Variants in PLEKHG1 observed in about 807,000 individuals in gnomAD.
PLEKHG1 encodes pleckstrin homology domain-containing family G member 1.
PLEKHG1 carries 44 observed loss-of-function variants against 100.8 expected under a neutral mutation model. That is an observed-to-expected ratio of 0.44 (90% CI 0.34 to 0.56). The LOEUF (loss-of-function observed/expected upper bound fraction) is 0.56. Among genes scored for constraint, PLEKHG1 ranks in the 20% least tolerant of loss-of-function variants. PLEKHG1 has a pLI of 0.01. For synonymous variants in PLEKHG1, 640 were observed against 662.5 expected (o/e 0.97, Z 0.52); for missense variants, 1,545 against 1,720.9 (o/e 0.90, Z 1.81).
chr6:150,662,119 A>G (rs1480772814), intron 3 of PLEKHG1, among the ~76,000 whole-genome samples: 2 of 152,110 alleles, frequency 1.3e-5, no homozygotes, highest in African/African-American at 4.8e-5. Flanking sequence ...CCAAATGTGG[A>G]TAGTGTTAGG....
chr6:150,832,241 AAG>A (rs1776987172), intron 15 of PLEKHG1, 36 bp downstream of exon 16: 2 of 1,505,076 alleles, frequency 1.3e-6, no homozygotes, highest in Non-Finnish European at 1.8e-6. Flanking sequence ...TCTCCAAAGT[AAG>A]AGGGGAGAGC....
At chr6:150,737,938 G>C (rs1347848792) in intron 2 of PLEKHG1, among the ~76,000 whole-genome samples, 1 of 151,450 alleles carries the variant, frequency 6.6e-6, no homozygotes, top group Non-Finnish European at 1.5e-5. Flanking sequence ...CATGTATCTA[G>C]GACTACAGGT....
chr6:150,813,741 G>A (rs1298418739), intron 10 of PLEKHG1, among the ~76,000 whole-genome samples: 1 of 152,240 alleles, frequency 6.6e-6, no homozygotes, highest in Middle Eastern at 3.4e-3. Flanking sequence ...GAGGTGGGAC[G>A]GTTTTGAGTG....
At chr6:150,787,160 T>C (rs1785673813) in intron 4 of PLEKHG1, among the ~76,000 whole-genome samples, 1 of 152,170 alleles carries the variant, frequency 6.6e-6, no homozygotes, top group Non-Finnish European at 1.5e-5. Flanking sequence ...GTATAATATA[T>C]GTGGCACTAG....
chr6:150,679,480 A>G (rs1779864783), intron 3 of PLEKHG1, among the ~76,000 whole-genome samples: 1 of 152,204 alleles, frequency 6.6e-6, no homozygotes, highest in Non-Finnish European at 1.5e-5. Flanking sequence ...AAAGCAAATC[A>G]TGTTTTCCCA....
intron 3 of PLEKHG1, among the ~76,000 whole-genome samples, chr6:150,773,528 C>T (rs763968251): frequency 1.3e-5 from 2 of 152,060 alleles, no homozygotes; most frequent in Admixed American, 6.6e-5. Context: ...AGCGAGACTC[C>T]GTCTCAAAAA....
intron 10 of PLEKHG1, among the ~76,000 whole-genome samples, chr6:150,817,038 G>A (rs1040233693): frequency 5.3e-5 from 8 of 152,316 alleles, no homozygotes; most frequent in Admixed American, 6.5e-5. Context: ...AGCTTCTCTC[G>A]CTTGCCCACC....
At chr6:150,610,976 A>G (rs576473286) in intron 1 of PLEKHG1, among the ~76,000 whole-genome samples, 1 of 152,346 alleles carries the variant, frequency 6.6e-6, no homozygotes, top group East Asian at 1.9e-4. Flanking sequence ...CAAATAGGAT[A>G]TCAGCCCTAT....
At chr6:150,793,081 G>A (rs1050366729) in intron 4 of PLEKHG1, among the ~76,000 whole-genome samples, 2 of 152,150 alleles carry the variant, frequency 1.3e-5, no homozygotes, top group African/African-American at 4.8e-5. Context: ...CATGACGCTG[G>A]AGAACCAATA....
At chr6:150,801,414 T>C (rs1786689922) in intron 6 of PLEKHG1, among the ~76,000 whole-genome samples, 1 of 150,376 alleles carries the variant, frequency 6.6e-6, no homozygotes, top group South Asian at 2.1e-4. Flanking sequence ...TCATAGCTCT[T>C]AAATTCTTTT....
intron 6 of PLEKHG1, among the ~76,000 whole-genome samples, chr6:150,801,755 T>C (rs1289249320): frequency 3.9e-5 from 6 of 152,044 alleles, no homozygotes; most frequent in Admixed American, 3.9e-4. Context: ...TTCTTATTTC[T>C]TACCCTCCAA....
At chr6:150,752,830 G>A (rs1018445216) in intron 2 of PLEKHG1, among the ~76,000 whole-genome samples, 3 of 152,152 alleles carry the variant, frequency 2.0e-5, no homozygotes, top group Non-Finnish European at 4.4e-5. Context: ...CTTTATTTTA[G>A]TCGTGGTACA....
rs1158745352 is a variant in PLEKHG1, at chr6:150,831,920, G to T, written c.2809G>T (p.Ala937Ser). The change falls in exon 15 of 16, where the codon GCT becomes TCT. Residue 937 changes from alanine to serine, a missense_variant. Coordinates refer to ENST00000358517, the Ensembl canonical transcript of PLEKHG1. This position sits in a 1 kb window ranked among gnomAD's most constrained non-coding sequence, Gnocchi z 4.1. ...TATGAGCCTTAACCGGCTTTCTCTG[G>T]CTAGTGAAATGCCCCTCATGGACAA... 2 of 1,614,008 alleles carry T rather than the reference G, an allele frequency of 1.2e-6. No individual in the cohort carries two copies. Among genetic ancestry groups the T allele is most frequent in the Non-Finnish European group, 1.7e-6 (2 of 1,179,888 alleles).
intron 1 of PLEKHG1, among the ~76,000 whole-genome samples, chr6:150,629,399 A>G (rs1777650157): frequency 6.6e-6 from 1 of 152,206 alleles, no homozygotes; most frequent in Admixed American, 6.5e-5. Flanking sequence ...ATTTCCCTAT[A>G]GCAATGATAA....
At chr6:150,727,997 T>C (rs73608790) in intron 1 of PLEKHG1, among the ~76,000 whole-genome samples, 8,798 of 152,266 alleles carry the variant, frequency 0.058, 783 homozygotes, top group African/African-American at 0.19. Flanking sequence ...ATCTGGATGT[T>C]TCAGTTTGTC....
chr6:150,780,135 TA>T (rs1785227104), intron 3 of PLEKHG1, among the ~76,000 whole-genome samples: 5 of 126,232 alleles, frequency 4.0e-5, no homozygotes. Flanking sequence ...TCCTTTTCTT[TA>T]ATTTTTTTTT....
chr6:150,629,154 G>A (rs151172006), intron 1 of PLEKHG1, among the ~76,000 whole-genome samples: 49 of 152,308 alleles, frequency 3.2e-4, no homozygotes, highest in African/African-American at 9.9e-4. Context: ...TGAAATAAAG[G>A]ATTGGACAGA....
At chr6:150,674,636 T>TCTCTCTCC (rs1562427551) in intron 3 of PLEKHG1, among the ~76,000 whole-genome samples, 2 of 89,280 alleles carry the variant, frequency 2.2e-5, no homozygotes, top group Admixed American at 1.1e-4. Context: ...CTCCTCCCTC[T>TCTCTCTCC]CTCTCTCTCT....
intron 2 of PLEKHG1, among the ~76,000 whole-genome samples, chr6:150,644,946 G>A (rs759362972): frequency 2.0e-5 from 3 of 151,916 alleles, no homozygotes; most frequent in African/African-American, 4.8e-5. Context: ...TAGATCTAGT[G>A]TAACCCCAAT....
Sources: allele counts gnomAD v4.1 joint callset (sites outside exome capture counted in the v4.1 genomes callset), GRCh38; gene constraint gnomAD v4.1.1; non-coding constraint Gnocchi (gnomAD v3.1); transcripts MANE v1.5; gene names NCBI Gene and HGNC (gene_info 2026-07-23, HGNC 2026-07-21).